The following FBLIM1 variants were observed in gnomAD, a reference collection of about 807,000 sequenced individuals.
FBLIM1 encodes the protein filamin binding LIM protein 1.
A neutral mutation model predicts 37.4 loss-of-function variants in FBLIM1; 29 were observed. The ratio of observed to expected loss-of-function variants is 0.77; its 90% CI spans 0.58 to 1.06. The LOEUF is 1.06. Among genes scored for constraint, FBLIM1 ranks in the 50% least tolerant of loss-of-function variants. The probability of loss-of-function intolerance (pLI) is 0.00; values close to 1 mark genes in which losing one functional copy is unlikely to be tolerated. For missense variants in FBLIM1, 449 were observed against 505.6 expected, an observed-to-expected ratio of 0.89 and a Z score of 1.07; for synonymous variants, 193 against 199.0, an observed-to-expected ratio of 0.97 and a Z score of 0.25.
chr1:15,771,045 T>C (rs1228544718), intron 6 of FBLIM1, among the ~76,000 whole-genome samples: 1 of 152,056 alleles, frequency 6.6e-6, no homozygotes, highest in Admixed American at 6.6e-5. Context: ...GTTCAAGGGA[T>C]TCTCCTGCCT....
rs2069759051 is a variant in FBLIM1 at position 15,785,980 on chromosome 1, CCTT to C, written c.*1321_*1323del. On this transcript the variant is annotated 3_prime_UTR_variant, in exon 9 of 9. Transcript: ENST00000375766. ...CAGGGTGCAGGGGCCAAGCGTTCCT[CCTT>C]CAGCCTTGACTTGGGCCATGCACCC... 6.6e-6 allele frequency: 1 copy of C among 152,376 alleles called. No individual in the cohort carries two copies. 9.4% of individuals were successfully genotyped at this position (152,376 alleles called of 1,614,324 possible). A position where few individuals can be genotyped will look rare whatever the true frequency, so the allele number is the denominator to read the frequency against.
At position 15,784,713 on chromosome 1, in the gene FBLIM1, C is replaced by A; in HGVS notation, c.*52C>A. On this transcript the variant is annotated 3_prime_UTR_variant, in exon 9 of 9. Coordinates refer to ENST00000375766, the MANE Select transcript of FBLIM1 (RefSeq NM_017556.4). The stretch of plus-strand genomic sequence containing the variant: ...CACTAGCCCCGGCTGGGGCCCTTCC[C>A]TGACTTGGTTTCCCTTCCTAACCTG... 1 of 1,539,698 alleles carries A rather than the reference C, an allele frequency of 6.5e-7. No homozygotes were observed. The highest frequency in any genetic ancestry group is 2.3e-5 in the East Asian group (1 of 44,348).
chr1:15,772,371 A>G (rs10927852), intron 6 of FBLIM1, among the ~76,000 whole-genome samples: 103,129 of 151,798 alleles, frequency 0.68, 35,339 homozygotes, highest in East Asian at 0.82. Context: ...GTGAGACACC[A>G]GGGGAGGAGG....
rs761273971 is a variant in FBLIM1 at position 15,767,513 on chromosome 1, A to G, written c.388A>G (p.Ile130Val). 1 of 1,465,128 alleles carries G rather than the reference A, an allele frequency of 6.8e-7. No individual in the cohort carries two copies. The highest frequency in any genetic ancestry group is 3.1e-5 in the East Asian group (1 of 32,300). The allele number at this position is 1,465,128 out of a possible 1,614,324, so 90.8% of individuals were successfully genotyped here. The change falls in exon 4 of 9, where the codon ATT (isoleucine) becomes GTT (valine). Residue 130 changes from isoleucine (I) to valine (V), a missense_variant. By Grantham distance (29) the Ile-to-Val change is conservative (BLOSUM62 3). Transcript: ENST00000375766. Reference protein sequence around the residue: ...EAPAPMGASLIADLEQLHLSP... With the variant: ...EAPAPMGASLVADLEQLHLSP... ...TCCTGCTCCAATGGGGGCCTCACTC[A>G]TTGCAGACTTAGAGCAGCTGCACCT... is the stretch of plus-strand genomic sequence containing the variant.
intron 4 of FBLIM1, 84 bp from the exon 5 acceptor site, chr1:15,768,444 T>G (rs1240602516): frequency 3.3e-5 from 30 of 919,404 alleles, no homozygotes; most frequent in Non-Finnish European, 1.1e-5. Context: ...CGGCTAATTG[T>G]ACCTGTTACC....
At chr1:15,768,687 T>G in intron 5 of FBLIM1, 57 bp downstream of exon 5, 1 of 1,426,798 alleles carries the variant, frequency 7.0e-7, no homozygotes. Flanking sequence ...AGCATGGGCT[T>G]CCAGGTAGAA....
intron 1 of FBLIM1, among the ~76,000 whole-genome samples, chr1:15,759,686 C>T (rs1279967930): frequency 6.6e-6 from 1 of 152,198 alleles, no homozygotes; most frequent in Non-Finnish European, 1.5e-5. Context: ...GGGACACACT[C>T]ATTCTCACTT....
At chr1:15,761,507 C>T (rs913812985) in intron 1 of FBLIM1, among the ~76,000 whole-genome samples, 3 of 152,106 alleles carry the variant, frequency 2.0e-5, no homozygotes, top group Admixed American at 2.0e-4. Flanking sequence ...ATCAGCAAGT[C>T]GTTTGGTATT....
intron 6 of FBLIM1, among the ~76,000 whole-genome samples, chr1:15,771,477 C>T (rs764503061): frequency 3.6e-4 from 54 of 151,978 alleles, no homozygotes; most frequent in Non-Finnish European, 2.2e-4. Context: ...AAACTCCTGA[C>T]CTCAAGGAAT....
At chr1:15,768,795 A>C (rs780088919) in intron 5 of FBLIM1, among the ~76,000 whole-genome samples, 165 bp downstream of exon 5, 9 of 152,202 alleles carry the variant, frequency 5.9e-5, no homozygotes, top group Non-Finnish European at 1.0e-4. Context: ...GTATTGCTTT[A>C]GCCTTTTTCC....
chr1:15,757,809 G>A (rs142961571), upstream of FBLIM1: 787 of 152,370 alleles, frequency 5.2e-3, 1 homozygote, highest in Middle Eastern at 0.037. This position sits in a 1 kb window ranked among gnomAD's most constrained non-coding sequence, Gnocchi z 4.1. Flanking sequence ...AGGCCTCCAG[G>A]GACCCAGGCA....
intron 6 of FBLIM1, among the ~76,000 whole-genome samples, chr1:15,773,135 G>A (rs776308272): frequency 2.6e-5 from 4 of 152,134 alleles, no homozygotes; most frequent in Non-Finnish European, 2.9e-5. Flanking sequence ...GCCAGGTGCC[G>A]TGGCTCATGC....
In FBLIM1 at chr1:15,784,538, G is replaced by A. The variant is rs139389983; in HGVS notation, c.1009-10G>A. On this transcript the variant is annotated splice_polypyrimidine_tract_variant and intron_variant, in intron 8 of 8. Transcript: ENST00000375766. ...CCAGGGCGGGTCAGCATGTGTCTTT[G>A]TCTCCCCAGGACTGCAGGATCCTCC... 6.3e-4 allele frequency: 1,018 copies of A among 1,611,626 alleles called. 3 individuals are homozygous for A. In the African/African-American group the frequency reaches 0.012, roughly 19 times the overall value.
intron 6 of FBLIM1, among the ~76,000 whole-genome samples, chr1:15,773,681 G>GAAAAAAAAAAA (rs35429082): frequency 9.3e-6 from 1 of 106,970 alleles, no homozygotes. Flanking sequence ...CTCCGTCTCA[G>GAAAAAAAAAAA]AAAAAAAAAA....
chr1:15,769,926 C>T (rs2069119594), intron 5 of FBLIM1, among the ~76,000 whole-genome samples: 1 of 151,832 alleles, frequency 6.6e-6, no homozygotes, highest in Non-Finnish European at 1.5e-5. Context: ...AGCCACCGCG[C>T]CGGGCTCTTT....
intron 1 of FBLIM1, among the ~76,000 whole-genome samples, chr1:15,759,102 C>T (rs1320051304): frequency 6.6e-6 from 1 of 151,996 alleles, no homozygotes; most frequent in African/African-American, 2.4e-5. Flanking sequence ...GGCGGAGGGC[C>T]GAGTCCCAGC....
In FBLIM1 at chr1:15,767,442, C is replaced by T. The variant is rs1461749925; in HGVS notation, c.317C>T (p.Pro106Leu). 2 of 1,556,210 alleles carry T rather than the reference C, an allele frequency of 1.3e-6. No homozygotes were observed. The highest frequency in any genetic ancestry group is 1.8e-6 in the Non-Finnish European group (2 of 1,140,498). The change falls in exon 4 of 9, where the codon CCC becomes CTC. Residue 106 changes from proline (P) to leucine (L), a missense_variant. Transcript: ENST00000375766. ...DVLPDLDLLP[P>L]PPPPPPVLLP... ...CTTCCTGACCTGGACCTCCTCCCACCCCCTCCACCGCCCCCTCCAGTGCTT... is the reference window on the plus strand; with the variant it reads ...CTTCCTGACCTGGACCTCCTCCCACTCCCTCCACCGCCCCCTCCAGTGCTT...
At position 15,784,928 on chromosome 1, in the gene FBLIM1, G is replaced by C; in HGVS notation, c.*267G>C. On this transcript the variant is annotated 3_prime_UTR_variant, in exon 9 of 9. Transcript: ENST00000375766. ...GACCCTGCCCCACTTCCAGGGAAAA[G>C]CTGGGGGAGGTTGGACCCCTCTCAC... The C allele has an allele frequency of 2.8e-6, 1 of 357,138 alleles. No individual in the cohort carries two copies. The highest frequency in any genetic ancestry group is 5.2e-6 in the Non-Finnish European group (1 of 193,530). 22.1% of individuals were successfully genotyped at this position (357,138 alleles called of 1,614,324 possible). A position where few individuals can be genotyped will look rare whatever the true frequency, so the allele number is the denominator to read the frequency against.
At chr1:15,778,876 A>G (rs1236697705) in intron 8 of FBLIM1, among the ~76,000 whole-genome samples, 5 of 152,036 alleles carry the variant, frequency 3.3e-5, no homozygotes, top group East Asian at 1.9e-4. Context: ...TCCTGACCTC[A>G]GGTGATCTGC....
Sources: allele counts gnomAD v4.1 joint callset (sites outside exome capture counted in the v4.1 genomes callset), GRCh38; gene constraint gnomAD v4.1.1; non-coding constraint Gnocchi (gnomAD v3.1); transcripts MANE v1.5; gene names NCBI Gene and HGNC (gene_info 2026-07-23, HGNC 2026-07-21).